The following PARP2 variants were observed in gnomAD, a reference collection of about 807,000 sequenced individuals.
The protein encoded by PARP2 is poly [ADP-ribose] polymerase 2.
In PARP2, 57 loss-of-function variants were observed where a neutral mutation model predicts 77.8. The ratio of observed to expected loss-of-function variants is 0.73; its 90% CI spans 0.59 to 0.91. The LOEUF (loss-of-function observed/expected upper bound fraction) is 0.91. Ranked by LOEUF, PARP2 falls within the 40% of genes least tolerant of loss-of-function variation. The pLI, the probability that PARP2 is intolerant of heterozygous loss-of-function variation, is 0.00. For synonymous variants in PARP2, 226 were observed against 242.6 expected (o/e 0.93, Z 0.64); for missense variants, 651 against 689.0 (o/e 0.94, Z 0.62).
At chr14:20,344,804 C>T (rs1418423414) in intron 1 of PARP2, 128 bp from the exon 2 acceptor site, 2 of 685,002 alleles carry the variant, frequency 2.9e-6, no homozygotes, top group South Asian at 1.9e-5. Flanking sequence ...GAGAGTGAGA[C>T]TCCACCTCAA....
Position 20,343,728 on chromosome 14 carries a change from G to A in PARP2, c.46+41G>A, listed in dbSNP as rs747412352. ...TCGCGGGACGGCATGCGGGGGGCGGGCAGTCAGAAAGGAACGATGCCACCT... is the reference window on the plus strand; with the variant it reads ...TCGCGGGACGGCATGCGGGGGGCGGACAGTCAGAAAGGAACGATGCCACCT... On this transcript the variant is annotated intron_variant, in intron 1 of 15. Coordinates refer to ENST00000429687, the MANE Select transcript of PARP2 (RefSeq NM_001042618.2). The A allele has an allele frequency of 1.9e-6, 3 of 1,599,702 alleles. No homozygotes were observed. The Admixed American group carries it at 5.2e-5, about 28-fold the overall frequency.
At chr14:20,347,386 A>G (rs1161331088) in intron 4 of PARP2, among the ~76,000 whole-genome samples, 28 of 15,264 alleles carry the variant, frequency 1.8e-3, no homozygotes, top group Admixed American at 3.1e-3. Context: ...ATATATATAT[A>G]TATATATATA....
intron 10 of PARP2, 24 bp from the exon 11 acceptor site, chr14:20,355,873 T>C (rs771816454): frequency 1.2e-6 from 2 of 1,613,976 alleles, no homozygotes; most frequent in Non-Finnish European, 1.7e-6. Context: ...CCTCCCACAT[T>C]GATTCTATAT....
At chr14:20,344,771 C>A (rs1883646329) in intron 1 of PARP2, among the ~76,000 whole-genome samples, 161 bp from the exon 2 acceptor site, 1 of 152,160 alleles carries the variant, frequency 6.6e-6, no homozygotes, top group African/African-American at 2.4e-5. Flanking sequence ...CAAGATCGCA[C>A]CACTGCAGTC....
At chr14:20,355,140 A>G in intron 9 of PARP2, 193 bp downstream of exon 9, 1 of 510,138 alleles carries the variant, frequency 2.0e-6, no homozygotes, top group Non-Finnish European at 3.4e-6. Context: ...TCCCGGCTTG[A>G]CCACAGCCAT....
chr14:20,353,924 A>T (rs1042974920), intron 7 of PARP2, among the ~76,000 whole-genome samples, 161 bp from the exon 8 acceptor site: 5 of 152,220 alleles, frequency 3.3e-5, no homozygotes, highest in African/African-American at 9.6e-5. Flanking sequence ...TTGCTTCTGT[A>T]CTGAACCTGT....
intron 7 of PARP2, 31 bp from the exon 8 acceptor site, chr14:20,354,054 T>C (rs746800720): frequency 6.4e-7 from 1 of 1,560,978 alleles, no homozygotes; most frequent in South Asian, 1.1e-5. Flanking sequence ...TTTCTTAGAT[T>C]GTCTTGTGTT....
chr14:20,354,910 T>A lies in PARP2; in HGVS notation c.865T>A (p.Cys289Ser), dbSNP rs918547481. 1.9e-6 allele frequency: 3 copies of A among 1,613,862 alleles called. No individual in the cohort carries two copies. In the African/African-American group the frequency reaches 4.0e-5, roughly 22 times the overall value. ...GQHGRALMEA[C>S]NEFYTRIPHD... is the part of the protein sequence containing the mutation. ...GCATGGACGAGCTCTCATGGAAGCA[T>A]GCAATGAATTCTACACCAGGATTCC... The change falls in exon 9 of 16, where the codon TGC becomes AGC. Residue 289 changes from cysteine to serine, a missense_variant. Transcript: ENST00000429687.
At chr14:20,353,794 G>A (rs1884044087) in intron 7 of PARP2, among the ~76,000 whole-genome samples, 2 of 152,162 alleles carry the variant, frequency 1.3e-5, no homozygotes, top group African/African-American at 4.8e-5. Flanking sequence ...CTGACGTCAT[G>A]AGGAAAGCCT....
chr14:20,353,123 A>C (rs539546502), intron 7 of PARP2: 1 of 151,298 alleles, frequency 6.6e-6, no homozygotes, highest in African/African-American at 2.4e-5. Context: ...TGGGTGATCT[A>C]CCCGCCTCAG....
chr14:20,356,365 C>G lies in PARP2; in HGVS notation c.1160C>G (p.Thr387Ser). 2.5e-6 allele frequency: 4 copies of G among 1,614,044 alleles called. No individual in the cohort carries two copies. Among genetic ancestry groups the G allele is most frequent in the Non-Finnish European group, 3.4e-6 (4 of 1,179,914 alleles). The change falls in exon 12 of 16, where the codon ACC becomes AGC. Residue 387 changes from threonine to serine, a missense_variant. By Grantham distance (58) the Thr-to-Ser change is moderately conservative. Coordinates refer to ENST00000429687, the MANE Select transcript of PARP2 (RefSeq NM_001042618.2). ...CCCACACACAGCGACTATACCATGA[C>G]CTTGCTGGATTTGTTTGAAGTGGAG... ...HAPTHSDYTM[T>S]LLDLFEVEKD...
chr14:20,349,076 T>C (rs908454397), intron 4 of PARP2, among the ~76,000 whole-genome samples: 1 of 151,510 alleles, frequency 6.6e-6, no homozygotes, highest in African/African-American at 2.4e-5. Context: ...TGGTGGCTCA[T>C]GCCTGTCATC....
At chr14:20,347,361 T>C (rs1305211399) in intron 4 of PARP2, among the ~76,000 whole-genome samples, 3 of 9,392 alleles carry the variant, frequency 3.2e-4, no homozygotes, top group African/African-American at 1.6e-3. Context: ...TGTGTGTATA[T>C]ATATATATAT....
intron 4 of PARP2, among the ~76,000 whole-genome samples, chr14:20,347,388 A>ATT (rs1883794852): frequency 6.6e-5 from 1 of 15,162 alleles, no homozygotes; most frequent in African/African-American, 2.8e-4. Flanking sequence ...ATATATATAT[A>ATT]TATATATATA....
intron 6 of PARP2, 60 bp downstream of exon 6, chr14:20,351,182 C>CTAA: frequency 7.1e-7 from 1 of 1,400,386 alleles, no homozygotes; most frequent in Non-Finnish European, 1.0e-6. Context: ...TGTATATTCT[C>CTAA]TAAAAAATTT....
At position 20,343,672 on chromosome 14, in the gene PARP2, G is replaced by A; in HGVS notation, c.31G>A (p.Gly11Ser). The A allele has an allele frequency of 2.5e-6, 4 of 1,610,080 alleles. No homozygotes were observed. The highest frequency in any genetic ancestry group is 3.4e-6 in the Non-Finnish European group (4 of 1,178,866). The change falls in exon 1 of 16, where the codon GGC (glycine) becomes AGC (serine). Residue 11 changes from glycine to serine, a missense_variant. By Grantham distance (56) the Gly-to-Ser change is moderately conservative (BLOSUM62 0). Transcript: ENST00000429687. MAARRRRSTG[G>S]GRARALNESK... ...GGCGCGGCGGCGACGGAGCACCGGC[G>A]GCGGCAGGGCGAGAGGTTCGGAGCT...
At chr14:20,347,708 G>A (rs57336845) in intron 4 of PARP2, among the ~76,000 whole-genome samples, 15,238 of 151,292 alleles carry the variant, frequency 0.1, 1,217 homozygotes, top group African/African-American at 0.21. Context: ...ACTGCGCCCG[G>A]CAAGTCCTTT....
Position 20,357,413 on chromosome 14 carries a change from T to G in PARP2, c.1446T>G (p.Cys482Trp). The G allele has an allele frequency of 1.9e-6, 3 of 1,611,662 alleles. No homozygotes were observed. The highest frequency in any genetic ancestry group is 2.5e-6 in the Non-Finnish European group (3 of 1,179,224). Residue 482 changes from cysteine to tryptophan, a missense_variant, in exon 15 of 16, where the codon TGT becomes TGG. Transcript: ENST00000429687. ...CTTTGCAGGTAGCTCTAGGTCAGTG[T>G]AATGAACTACTAGAGGCCAATCCTA... is the stretch of plus-strand genomic sequence containing the variant. Reference protein sequence around the residue: ...LLLSEVALGQCNELLEANPKA... With the variant: ...LLLSEVALGQWNELLEANPKA...
intron 3 of PARP2, 133 bp from the exon 4 acceptor site, chr14:20,346,730 T>A (rs1883733795): frequency 3.1e-6 from 2 of 652,788 alleles, no homozygotes; most frequent in Non-Finnish European, 5.6e-6. Context: ...GGTTTGCAAT[T>A]CTTTCCTTGG....
Sources: gnomAD v4.1 joint callset for allele counts (sites outside exome capture counted in the v4.1 genomes callset) on GRCh38, gnomAD v4.1.1 for gene constraint, MANE v1.5 for transcripts, NCBI Gene and HGNC (gene_info 2026-07-23, HGNC 2026-07-21) for gene names.